The following CSMD1 variants were observed in gnomAD, a reference collection of about 807,000 sequenced individuals.
The protein encoded by CSMD1 is CUB and sushi domain-containing protein 1.
CSMD1 carries 213 observed loss-of-function variants against 417.5 expected under a neutral mutation model. The observed-to-expected ratio is 0.51, with a 90% confidence interval of 0.46 to 0.57. The LOEUF is 0.57. Ranked by LOEUF, CSMD1 falls within the 20% of genes least tolerant of loss-of-function variation. The pLI, the probability that CSMD1 is intolerant of heterozygous loss-of-function variation, is 0.00. For missense variants in CSMD1, 6,923 were observed against 4,529.7 expected, an observed-to-expected ratio of 1.53 and a Z score of -15.17; for synonymous variants, 2,862 against 1,736.8, an observed-to-expected ratio of 1.65 and a Z score of -16.11.
intron 3 of CSMD1, among the ~76,000 whole-genome samples, chr8:4,080,798 A>G (rs780508551): frequency 6.6e-6 from 1 of 152,188 alleles, no homozygotes; most frequent in African/African-American, 2.4e-5. Flanking sequence ...CTCTCTAAGT[A>G]TTTGATCAGA....
chr8:3,500,499 C>A (rs1796554869), intron 10 of CSMD1, among the ~76,000 whole-genome samples: 1 of 151,964 alleles, frequency 6.6e-6, no homozygotes, highest in Admixed American at 6.6e-5. Flanking sequence ...CAAAGGAAGG[C>A]ACGTGAAAAG....
chr8:3,405,005 T>C (rs576029579), intron 15 of CSMD1, among the ~76,000 whole-genome samples: 60 of 152,302 alleles, frequency 3.9e-4, no homozygotes, highest in African/African-American at 1.3e-3. Context: ...ATATAACTTA[T>C]GACTCAAAGG....
chr8:3,957,287 G>A (rs543284760), intron 5 of CSMD1, among the ~76,000 whole-genome samples: 1 of 152,302 alleles, frequency 6.6e-6, no homozygotes, highest in Admixed American at 6.5e-5. Flanking sequence ...ATGTACTTTT[G>A]TGCCCTCAGA....
At chr8:4,412,375 G>C (rs943855851) in intron 3 of CSMD1, among the ~76,000 whole-genome samples, 6 of 152,044 alleles carry the variant, frequency 3.9e-5, no homozygotes, top group African/African-American at 1.4e-4. Context: ...TCCTCCCCTT[G>C]CTTCCGCATT....
intron 18 of CSMD1, among the ~76,000 whole-genome samples, chr8:3,376,296 A>T (rs910642346): frequency 2.6e-5 from 4 of 152,088 alleles, no homozygotes; most frequent in South Asian, 4.1e-4. Flanking sequence ...GAAAAGGGTA[A>T]CCAATAATAC....
Position 3,995,519 on chromosome 8 carries a change from C to G in CSMD1, c.818+2384G>C, listed in dbSNP as rs1815142053. 2.0e-5 allele frequency among the ~76,000 whole-genome samples: 3 copies of G among 152,182 alleles called. No individual in the cohort carries two copies. In the South Asian group the frequency reaches 6.2e-4, roughly 32 times the overall value. ...ACTTCTCTGACAGGGCATTGAAGCT[C>G]AGACCTGGACTACACTGACTGAGGG... On this transcript the variant is annotated intron_variant, in intron 5 of 69. Coordinates refer to ENST00000635120, the MANE Select transcript of CSMD1 (RefSeq NM_033225.6).
At chr8:3,179,526 T>C (rs147769582) in intron 37 of CSMD1, among the ~76,000 whole-genome samples, 35 of 152,318 alleles carry the variant, frequency 2.3e-4, no homozygotes, top group Middle Eastern at 3.4e-3. Context: ...GAAATGTAGA[T>C]AATTATATTG....
chr8:4,068,914 T>G (rs1263830151), intron 3 of CSMD1, among the ~76,000 whole-genome samples: 1 of 152,224 alleles, frequency 6.6e-6, no homozygotes, highest in African/African-American at 2.4e-5. Context: ...AACCAAATAA[T>G]AATTATAATT....
chr8:3,136,272 C>T (rs1818082317), intron 41 of CSMD1, among the ~76,000 whole-genome samples: 1 of 149,114 alleles, frequency 6.7e-6, no homozygotes, highest in East Asian at 2.0e-4. Context: ...TTTTTTGCCC[C>T]CCGAGATAGA....
At chr8:3,804,528 T>A (rs1303723022) in intron 5 of CSMD1, among the ~76,000 whole-genome samples, 1 of 152,214 alleles carries the variant, frequency 6.6e-6, no homozygotes, top group African/African-American at 2.4e-5. Context: ...CATTTACGCA[T>A]CATGTTGCTA....
chr8:3,577,832 C>T (rs11998670), intron 9 of CSMD1, among the ~76,000 whole-genome samples: 77,130 of 151,986 alleles, frequency 0.51, 19,882 homozygotes, highest in African/African-American at 0.59. Context: ...TAGTTATTGC[C>T]TCCTTGCATC....
chr8:4,867,626 A>G (rs932139707), intron 1 of CSMD1, among the ~76,000 whole-genome samples: 1 of 152,004 alleles, frequency 6.6e-6, no homozygotes, highest in Non-Finnish European at 1.5e-5. Flanking sequence ...ACTTAACTTT[A>G]TTATGTCGCA....
chr8:3,617,933 G>C (rs892934891), intron 7 of CSMD1, among the ~76,000 whole-genome samples: 3 of 152,086 alleles, frequency 2.0e-5, no homozygotes, highest in Non-Finnish European at 4.4e-5. Flanking sequence ...ATATGTCTGG[G>C]TATATGTGGA....
chr8:4,570,210 T>C (rs559135155), intron 2 of CSMD1, among the ~76,000 whole-genome samples: 2 of 152,228 alleles, frequency 1.3e-5, no homozygotes, highest in Middle Eastern at 3.2e-3. Flanking sequence ...CATCCTTGTC[T>C]TTTGCTGGTT....
chr8:4,285,732 T>A lies in CSMD1; in HGVS notation c.415+134221A>T, dbSNP rs1288649299. Among the ~76,000 whole-genome samples, 4 of 152,154 alleles carry A rather than the reference T, an allele frequency of 2.6e-5. No individual in the cohort carries two copies. The East Asian group carries it at 7.7e-4, about 29-fold the overall frequency. On this transcript the variant is annotated intron_variant, in intron 3 of 69. Coordinates refer to ENST00000635120, the MANE Select transcript of CSMD1 (RefSeq NM_033225.6). ...AACAGTCAGGGCCACAGGCTTCTCA[T>A]CCTGTTAGGAACTTCAGAGGTCAAA... is the stretch of plus-strand genomic sequence containing the variant.
chr8:3,052,584 A>G lies in CSMD1; in HGVS notation c.7538T>C (p.Leu2513Ser). Reference protein sequence around the residue: ...NGSFTGNEFTLDSKVVYECHE... With the variant: ...NGSFTGNEFTSDSKVVYECHE... ...ACATTCATAGACCACTTTACTGTCC[A>G]AAGTGAACTCGTTCCCGGTAAATGA... Residue 2513 changes from leucine to serine, a missense_variant, in exon 50 of 70, where the codon TTG (leucine) becomes TCG (serine). By Grantham distance (145) the Leu-to-Ser change is moderately radical. Transcript: ENST00000635120. 8 of 1,612,000 alleles carry G rather than the reference A, an allele frequency of 5.0e-6. No individual in the cohort carries two copies. The South Asian group carries it at 5.5e-5, about 11-fold the overall frequency.
At chr8:4,028,727 G>A (rs1044312947) in intron 4 of CSMD1, among the ~76,000 whole-genome samples, 2 of 152,140 alleles carry the variant, frequency 1.3e-5, no homozygotes, top group Non-Finnish European at 2.9e-5. Context: ...TTAAATGAGT[G>A]TTAATAATTA....
At chr8:4,632,871 G>A (rs576142815) in intron 2 of CSMD1, among the ~76,000 whole-genome samples, 1 of 152,266 alleles carries the variant, frequency 6.6e-6, no homozygotes, top group African/African-American at 2.4e-5. Flanking sequence ...GGAATAAGAG[G>A]ACAACATTCT....
At chr8:3,063,618 G>T (rs1812734568) in intron 49 of CSMD1, among the ~76,000 whole-genome samples, 1 of 152,136 alleles carries the variant, frequency 6.6e-6, no homozygotes, top group African/African-American at 2.4e-5. Context: ...ACCAAATGTA[G>T]CCTCTACACA....
Sources: gnomAD v4.1 joint callset for allele counts (sites outside exome capture counted in the v4.1 genomes callset) on GRCh38, gnomAD v4.1.1 for gene constraint, MANE v1.5 for transcripts, NCBI Gene and HGNC (gene_info 2026-07-23, HGNC 2026-07-21) for gene names.